NRG1: variants seen among roughly 807,000 people sequenced by gnomAD.
NRG1 encodes the protein neuregulin 1.
A neutral mutation model predicts 63.8 loss-of-function variants in NRG1; 18 were observed. The ratio of observed to expected loss-of-function variants is 0.28; its 90% CI spans 0.19 to 0.42. The LOEUF is 0.42. Ranked by LOEUF, NRG1 falls within the 10% of genes least tolerant of loss-of-function variation. The pLI, the probability that NRG1 is intolerant of heterozygous loss-of-function variation, is 1.00. For missense variants in NRG1, 762 were observed against 814.7 expected (o/e 0.94, Z 0.79); for synonymous variants, 302 against 301.3 (o/e 1.00, Z -0.02).
intron 1 of NRG1, among the ~76,000 whole-genome samples, chr8:32,107,340 C>T (rs1831420787): frequency 6.6e-6 from 1 of 152,162 alleles, no homozygotes; most frequent in Non-Finnish European, 1.5e-5. Flanking sequence ...ACATTTGTTT[C>T]CCATTTTGCC....
chr8:32,270,668 A>C (rs980399106), intron 1 of NRG1, among the ~76,000 whole-genome samples: 1 of 152,190 alleles, frequency 6.6e-6, no homozygotes, highest in Non-Finnish European at 1.5e-5. Context: ...TTCAACATGA[A>C]GGTCCGAGTG....
intron 1 of NRG1, among the ~76,000 whole-genome samples, chr8:32,005,747 T>C (rs1175583225): frequency 6.6e-6 from 1 of 151,654 alleles, no homozygotes. Context: ...GAGTGTTAAA[T>C]TATTATTATT....
intron 1 of NRG1, among the ~76,000 whole-genome samples, chr8:32,027,458 T>C (rs7812305): frequency 0.6 from 36,014 of 59,628 alleles, 9,577 homozygotes; most frequent in Non-Finnish European, 0.69. Context: ...CCTTCCTTCC[T>C]TCCTTCCTTC....
intron 1 of NRG1, among the ~76,000 whole-genome samples, chr8:32,106,756 A>C (rs1831317956): frequency 2.6e-5 from 4 of 152,212 alleles, no homozygotes; most frequent in Admixed American, 2.6e-4. Context: ...CCTTTTTAAA[A>C]AAAATGGAAC....
At chr8:31,825,343 G>A (rs1463301948) in intron 1 of NRG1, among the ~76,000 whole-genome samples, 1 of 151,212 alleles carries the variant, frequency 6.6e-6, no homozygotes, top group Non-Finnish European at 1.5e-5. Flanking sequence ...AGCGGAGATC[G>A]CACCACTGCA....
intron 5 of NRG1, chr8:32,646,710 C>T (rs998653754): frequency 1.4e-5 from 14 of 985,296 alleles, no homozygotes; most frequent in Middle Eastern, 5.2e-4. Context: ...AGGAGGAAAA[C>T]GGGTGGGGGC....
chr8:31,684,931 G>A (rs1326694769), intron 1 of NRG1, among the ~76,000 whole-genome samples: 1 of 152,066 alleles, frequency 6.6e-6, no homozygotes, highest in Admixed American at 6.6e-5. Context: ...AGCCAAAATA[G>A]TAAGGTGATA....
Position 32,092,356 on chromosome 8 carries a change from C to T in NRG1, c.37+452925C>T, listed in dbSNP as rs542957984. 6.7e-5 allele frequency among the ~76,000 whole-genome samples: 10 copies of T among 149,210 alleles called. No homozygotes were observed. The East Asian group carries it at 2.0e-3, about 30-fold the overall frequency. Reference sequence around the variant, plus strand: ...CTTGTAGTAACAGCTGCTCAAGAGGCTGAGGCAAGAGGATTGCTTGAGCCC... The same window carrying T: ...CTTGTAGTAACAGCTGCTCAAGAGGTTGAGGCAAGAGGATTGCTTGAGCCC... On this transcript the variant is annotated intron_variant, in intron 1 of 10. Coordinates refer to the NRG1 transcript ENST00000519301.
intron 1 of NRG1, among the ~76,000 whole-genome samples, chr8:32,293,635 T>C (rs774369336): frequency 1.3e-5 from 2 of 151,978 alleles, no homozygotes; most frequent in African/African-American, 4.8e-5. Context: ...CCATTTTATT[T>C]TAATTTTTTT....
chr8:32,157,297 A>C (rs145980002), intron 1 of NRG1, among the ~76,000 whole-genome samples: 6,326 of 143,036 alleles, frequency 0.044, 198 homozygotes, highest in Middle Eastern at 0.11. Flanking sequence ...CCTGGGAGGC[A>C]GAGGTTGCAG....
intron 1 of NRG1, among the ~76,000 whole-genome samples, chr8:31,960,697 T>C (rs1481296386): frequency 6.6e-6 from 1 of 152,218 alleles, no homozygotes; most frequent in African/African-American, 2.4e-5. Flanking sequence ...AGTGCTAAAC[T>C]GCAACTCAGT....
intron 1 of NRG1, among the ~76,000 whole-genome samples, chr8:32,558,237 A>G (rs573820750): frequency 5.3e-5 from 8 of 152,306 alleles, no homozygotes; most frequent in Admixed American, 2.0e-4. Flanking sequence ...TGGACTGTGC[A>G]TGGCGTGGGG....
At chr8:32,168,791 T>C (rs1839673734) in intron 1 of NRG1, among the ~76,000 whole-genome samples, 1 of 152,158 alleles carries the variant, frequency 6.6e-6, no homozygotes, top group Admixed American at 6.5e-5. Context: ...TGACCATTCA[T>C]CCCCTTCCTA....
chr8:32,688,128 A>G (rs1014572456), intron 5 of NRG1, among the ~76,000 whole-genome samples: 1 of 152,252 alleles, frequency 6.6e-6, no homozygotes, highest in African/African-American at 2.4e-5. Context: ...TTGATGGTAT[A>G]CAGAAAGGAA....
intron 1 of NRG1, among the ~76,000 whole-genome samples, chr8:31,668,072 A>C (rs576003214): frequency 6.6e-6 from 1 of 152,330 alleles, no homozygotes; most frequent in South Asian, 2.1e-4. Context: ...AAGATGGAGC[A>C]GTGAGATTTG....
At chr8:32,083,089 C>T (rs926170384) in intron 1 of NRG1, among the ~76,000 whole-genome samples, 1 of 152,108 alleles carries the variant, frequency 6.6e-6, no homozygotes, top group Non-Finnish European at 1.5e-5. Context: ...CATGAGTATG[C>T]CTCCACCATT....
intron 1 of NRG1, among the ~76,000 whole-genome samples, chr8:31,857,515 C>T (rs1828032284): frequency 6.6e-6 from 1 of 152,192 alleles, no homozygotes; most frequent in Admixed American, 6.5e-5. Flanking sequence ...CACTGTCTGG[C>T]ACTCCCTAGT....
At chr8:31,731,667 G>A (rs1007637203) in intron 1 of NRG1, among the ~76,000 whole-genome samples, 3 of 151,936 alleles carry the variant, frequency 2.0e-5, no homozygotes, top group Non-Finnish European at 2.9e-5. Flanking sequence ...TAATATATAT[G>A]TACTAAATAA....
chr8:32,240,025 A>G (rs1847946930), intron 1 of NRG1, among the ~76,000 whole-genome samples: 2 of 152,216 alleles, frequency 1.3e-5, no homozygotes, highest in Admixed American at 6.5e-5. Context: ...TGTATTTACC[A>G]TATGATTCAG....
Sources: gnomAD v4.1 joint callset for allele counts (sites outside exome capture counted in the v4.1 genomes callset) on GRCh38, gnomAD v4.1.1 for gene constraint, MANE v1.5 for transcripts, NCBI Gene and HGNC (gene_info 2026-07-23, HGNC 2026-07-21) for gene names.